Variants in KIAA0319 observed in about 807,000 individuals in gnomAD.
KIAA0319 encodes the protein KIAA0319.
A neutral mutation model predicts 108.4 loss-of-function variants in KIAA0319; 83 were observed. That is an observed-to-expected ratio of 0.77 (90% confidence interval 0.64 to 0.92). The LOEUF (loss-of-function observed/expected upper bound fraction) is 0.92. KIAA0319 is among the 40% of genes least tolerant of loss of function. The probability of loss-of-function intolerance (pLI) is 0.00; values close to 1 mark genes in which losing one functional copy is unlikely to be tolerated. For synonymous variants in KIAA0319, 484 were observed against 510.4 expected, an observed-to-expected ratio of 0.95 and a Z score of 0.70; for missense variants, 1,195 against 1,322.4, an observed-to-expected ratio of 0.90 and a Z score of 1.49.
intron 4 of KIAA0319, among the ~76,000 whole-genome samples, chr6:24,588,213 C>T (rs1767863393): frequency 6.6e-6 from 1 of 152,236 alleles, no homozygotes; most frequent in Admixed American, 6.5e-5. Flanking sequence ...ATGTTGCTCC[C>T]TCCACCTGAA....
intron 2 of KIAA0319, among the ~76,000 whole-genome samples, chr6:24,600,261 G>A (rs543301244): frequency 6.6e-6 from 1 of 152,214 alleles, no homozygotes; most frequent in South Asian, 2.1e-4. Flanking sequence ...GAAATAAGGG[G>A]ACATTTTTTC....
chr6:24,577,895 C>T (rs1765780186), intron 9 of KIAA0319, among the ~76,000 whole-genome samples: 1 of 152,090 alleles, frequency 6.6e-6, no homozygotes, highest in South Asian at 2.1e-4. Flanking sequence ...CATAAAGTAC[C>T]TTTCACTATA....
At chr6:24,618,730 A>T (rs956326949) in intron 1 of KIAA0319, among the ~76,000 whole-genome samples, 11 of 152,100 alleles carry the variant, frequency 7.2e-5, no homozygotes, top group Non-Finnish European at 1.5e-4. Context: ...AAGATTTCAG[A>T]TAATGGAATT....
At chr6:24,600,909 G>A in intron 2 of KIAA0319, 140 bp downstream of exon 2, 1 of 1,119,438 alleles carries the variant, frequency 8.9e-7, no homozygotes, top group Non-Finnish European at 1.3e-6. Context: ...CATGAGGTCT[G>A]CCTTTCATGC....
Position 24,547,319 on chromosome 6 carries a change from T to C in KIAA0319, c.3065A>G (p.His1022Arg), listed in dbSNP as rs1394717910. The change falls in exon 21 of 21, where the codon CAC becomes CGC. Residue 1022 changes from histidine (H) to arginine (R), a missense_variant. Coordinates refer to ENST00000378214, the MANE Select transcript of KIAA0319 (RefSeq NM_014809.4). ...KYGIKHRSTE[H>R]NSSLMVSESE... Reference sequence around the variant, plus strand: ...CTCGGATACCATCAGGCTGGAGTTGTGCTCTGTGCTTCGGTGCTTGATACC... The same window carrying C: ...CTCGGATACCATCAGGCTGGAGTTGCGCTCTGTGCTTCGGTGCTTGATACC... 5.6e-6 allele frequency: 9 copies of C among 1,614,062 alleles called. No individual in the cohort carries two copies. Among genetic ancestry groups the C allele is most frequent in the Middle Eastern group, 1.6e-4 (1 of 6,082 alleles).
chr6:24,582,015 G>A (rs1482523460), intron 6 of KIAA0319, among the ~76,000 whole-genome samples: 3 of 152,158 alleles, frequency 2.0e-5, no homozygotes, highest in East Asian at 1.9e-4. Flanking sequence ...GTGTGGTGAC[G>A]TGCACCTGTA....
chr6:24,568,514 G>A (rs1348054923), intron 13 of KIAA0319, among the ~76,000 whole-genome samples: 1 of 152,214 alleles, frequency 6.6e-6, no homozygotes, highest in African/African-American at 2.4e-5. Context: ...TTGGACGTGG[G>A]TCTTTCATTA....
At chr6:24,589,490 A>G (rs981526240) in intron 3 of KIAA0319, among the ~76,000 whole-genome samples, 1 of 152,098 alleles carries the variant, frequency 6.6e-6, no homozygotes, top group South Asian at 2.1e-4. Context: ...GGAGAGACCA[A>G]ATGGAGGTAA....
intron 1 of KIAA0319, among the ~76,000 whole-genome samples, chr6:24,626,513 C>T (rs9379673): frequency 0.031 from 4,695 of 152,100 alleles, 93 homozygotes; most frequent in East Asian, 0.082. Flanking sequence ...GCCTGGGCAA[C>T]AGAGCAAGAC....
intron 1 of KIAA0319, among the ~76,000 whole-genome samples, chr6:24,643,464 A>T (rs1777224001): frequency 6.6e-6 from 1 of 152,170 alleles, no homozygotes; most frequent in South Asian, 2.1e-4. Flanking sequence ...ATAACCTACC[A>T]ATTATTCTAG....
chr6:24,587,280 C>CT (rs147658566), intron 4 of KIAA0319, among the ~76,000 whole-genome samples: 9,846 of 149,986 alleles, frequency 0.066, 971 homozygotes, highest in East Asian at 0.43. Context: ...CTTTTTTTTC[C>CT]TTTTTTTTTG....
chr6:24,568,710 T>C (rs1257056272), intron 13 of KIAA0319, 71 bp downstream of exon 13: 2 of 1,467,264 alleles, frequency 1.4e-6, no homozygotes, highest in Non-Finnish European at 9.4e-7. Flanking sequence ...TGAATAGTCA[T>C]GGCCTGGCTG....
chr6:24,603,393 AAC>A (rs1770928219), intron 1 of KIAA0319, among the ~76,000 whole-genome samples: 2 of 152,194 alleles, frequency 1.3e-5, no homozygotes, highest in South Asian at 4.1e-4. Context: ...CCCAGGAGGA[AAC>A]ACACAAGTTC....
chr6:24,573,047 G>A (rs989279854), intron 10 of KIAA0319, among the ~76,000 whole-genome samples: 1 of 152,146 alleles, frequency 6.6e-6, no homozygotes, highest in Non-Finnish European at 1.5e-5. Flanking sequence ...CTTGGAACAC[G>A]GGAGAGGGAG....
rs541313624 is a variant in KIAA0319 at position 24,547,062 on chromosome 6, A to G, written c.*103T>C. 2.9e-5 allele frequency: 36 copies of G among 1,232,948 alleles called. No individual in the cohort carries two copies. The highest frequency in any genetic ancestry group is 9.5e-5 in the South Asian group (7 of 73,840). The allele number at this position is 1,232,948 out of a possible 1,614,324, so 76.4% of individuals were successfully genotyped here. A position where few individuals can be genotyped will look rare whatever the true frequency, so the allele number is the denominator to read the frequency against. ...GGATACACATCTAACCCACTGGGGAAGAAGGTCAATGAACTATTCTAAAAG... is the reference window on the plus strand; with the variant it reads ...GGATACACATCTAACCCACTGGGGAGGAAGGTCAATGAACTATTCTAAAAG... On this transcript the variant is annotated 3_prime_UTR_variant, in exon 21 of 21. Coordinates refer to ENST00000378214, the MANE Select transcript of KIAA0319 (RefSeq NM_014809.4).
At chr6:24,641,084 A>C (rs1776852296) in intron 1 of KIAA0319, among the ~76,000 whole-genome samples, 1 of 152,208 alleles carries the variant, frequency 6.6e-6, no homozygotes, top group South Asian at 2.1e-4. Flanking sequence ...ACCTACTCCC[A>C]GTTCCTGGTA....
intron 13 of KIAA0319, 141 bp from the exon 14 acceptor site, chr6:24,566,889 T>A (rs1763972255): frequency 1.5e-6 from 1 of 663,348 alleles, no homozygotes; most frequent in African/African-American, 1.8e-5. Flanking sequence ...AGGCATTTTT[T>A]TCCCCAGATG....
intron 1 of KIAA0319, among the ~76,000 whole-genome samples, chr6:24,608,634 A>T (rs1771788542): frequency 6.6e-6 from 1 of 152,162 alleles, no homozygotes; most frequent in Admixed American, 6.5e-5. Flanking sequence ...AGACATGATT[A>T]AAAATCGCAT....
chr6:24,645,332 G>A (rs1362892699), intron 1 of KIAA0319, among the ~76,000 whole-genome samples: 1 of 152,154 alleles, frequency 6.6e-6, no homozygotes, highest in African/African-American at 2.4e-5. Context: ...TTATCCTCCC[G>A]ATTAATTTGT....
Sources: allele counts gnomAD v4.1 joint callset (sites outside exome capture counted in the v4.1 genomes callset), GRCh38; gene constraint gnomAD v4.1.1; transcripts MANE v1.5; gene names NCBI Gene and HGNC (gene_info 2026-07-23, HGNC 2026-07-21).